The following DCLK2 variants were observed in gnomAD, a reference collection of about 807,000 sequenced individuals.
DCLK2 encodes doublecortin like kinase 2.
A neutral mutation model predicts 78.4 loss-of-function variants in DCLK2; 31 were observed. The ratio of observed to expected loss-of-function variants is 0.40; its 90% CI spans 0.30 to 0.53. DCLK2 has a LOEUF of 0.53. Ranked by LOEUF, DCLK2 falls within the 20% of genes least tolerant of loss-of-function variation. The pLI is 0.61. For missense variants in DCLK2, 872 were observed against 973.7 expected (o/e 0.90, Z 1.39); for synonymous variants, 407 against 374.9 (o/e 1.09, Z -0.99).
chr4:150,222,865 C>CAA (rs879903066), intron 7 of DCLK2, among the ~76,000 whole-genome samples: 10 of 123,220 alleles, frequency 8.1e-5, no homozygotes, highest in South Asian at 7.7e-4. Flanking sequence ...GACTGTGTCT[C>CAA]AAAAAAAAAA....
chr4:150,201,303 G>A (rs561949341), intron 4 of DCLK2, among the ~76,000 whole-genome samples: 42 of 152,218 alleles, frequency 2.8e-4, no homozygotes, highest in South Asian at 6.2e-4. Context: ...GCTGGCTGGC[G>A]GAGGCATACC....
At chr4:150,126,850 A>T (rs983357817) in intron 2 of DCLK2, among the ~76,000 whole-genome samples, 2 of 152,196 alleles carry the variant, frequency 1.3e-5, no homozygotes, top group Admixed American at 6.6e-5. Flanking sequence ...ACAGCATCCA[A>T]TCCAGGATCC....
At chr4:150,117,077 GA>G (rs1372574317) in intron 2 of DCLK2, among the ~76,000 whole-genome samples, 11 of 152,110 alleles carry the variant, frequency 7.2e-5, no homozygotes, top group Non-Finnish European at 1.6e-4. Flanking sequence ...GTGGGGGCTG[GA>G]TAAGGCAGGA....
At chr4:150,222,736 C>T (rs1023167242) in intron 7 of DCLK2, among the ~76,000 whole-genome samples, 14 of 151,746 alleles carry the variant, frequency 9.2e-5, no homozygotes, top group Non-Finnish European at 2.1e-4. Flanking sequence ...TTGGGTGGCA[C>T]ACGCCTGAAG....
intron 1 of DCLK2, among the ~76,000 whole-genome samples, chr4:150,083,527 A>G (rs776857862): frequency 6.6e-6 from 1 of 152,232 alleles, no homozygotes; most frequent in Non-Finnish European, 1.5e-5. Context: ...GAAAGTGTTA[A>G]ATAAACCAAA....
rs1234394297 is a variant in DCLK2, at chr4:150,079,127, A to G, written c.100A>G (p.Ser34Gly). 1.4e-5 allele frequency: 22 copies of G among 1,583,514 alleles called. No homozygotes were observed. The highest frequency in any genetic ancestry group is 1.9e-5 in the Non-Finnish European group (22 of 1,166,214). Residue 34 changes from serine (S) to glycine (G), a missense_variant, in exon 1 of 16, where the codon AGC becomes GGC. This residue lies in a region of DCLK2 where 567 missense variants were observed against 593.4 expected (regional missense o/e 0.96). Coordinates refer to ENST00000296550, the MANE Select transcript of DCLK2 (RefSeq NM_001040260.4). ...RRGAPSSSGGSSSSGPKGNGL... is the reference protein window; with the variant it reads ...RRGAPSSSGGGSSSGPKGNGL... The stretch of plus-strand genomic sequence containing the variant: ...AGGGGCCCCCAGCTCCTCCGGGGGC[A>G]GCAGCAGCTCGGGCCCCAAGGGGAA...
At chr4:150,176,114 C>G (rs926806525) in intron 2 of DCLK2, among the ~76,000 whole-genome samples, 1 of 152,192 alleles carries the variant, frequency 6.6e-6, no homozygotes, top group Non-Finnish European at 1.5e-5. Flanking sequence ...TGCTGTCATG[C>G]CTCCCTCTTG....
At chr4:150,129,000 T>A (rs1270538363) in intron 2 of DCLK2, among the ~76,000 whole-genome samples, 1 of 152,166 alleles carries the variant, frequency 6.6e-6, no homozygotes, top group Non-Finnish European at 1.5e-5. Flanking sequence ...GGGTAAACAC[T>A]ACCTTTTAAT....
intron 2 of DCLK2, among the ~76,000 whole-genome samples, chr4:150,119,657 T>C (rs1732372793): frequency 6.6e-6 from 1 of 152,104 alleles, no homozygotes; most frequent in Non-Finnish European, 1.5e-5. Context: ...GAAACTACTT[T>C]AATGAAAAGA....
At chr4:150,183,399 TCC>T (rs1737672046) in intron 2 of DCLK2, among the ~76,000 whole-genome samples, 1 of 152,200 alleles carries the variant, frequency 6.6e-6, no homozygotes, top group Admixed American at 6.5e-5. Context: ...TCTCAAATCA[TCC>T]TGAAATAATA....
intron 2 of DCLK2, among the ~76,000 whole-genome samples, chr4:150,121,735 G>A (rs895544068): frequency 5.3e-5 from 8 of 152,092 alleles, no homozygotes; most frequent in East Asian, 1.9e-4. Context: ...GAATCGCTAC[G>A]GCAAGTATAG....
intron 2 of DCLK2, among the ~76,000 whole-genome samples, chr4:150,123,784 G>A (rs1732735355): frequency 1.3e-5 from 2 of 152,194 alleles, no homozygotes; most frequent in African/African-American, 4.8e-5. Context: ...GCTCATGCCT[G>A]TAATCCCAGC....
intron 5 of DCLK2, among the ~76,000 whole-genome samples, chr4:150,210,023 C>T (rs1282891386): frequency 2.0e-5 from 3 of 152,024 alleles, no homozygotes; most frequent in East Asian, 3.9e-4. Context: ...TGCAATGAGC[C>T]GAGATCCTGC....
chr4:150,079,255 C>T lies in DCLK2; in HGVS notation c.228C>T (p.Phe76=). Residue 76 remains phenylalanine, a synonymous_variant, in exon 1 of 16, where the codon TTC becomes TTT. Coordinates refer to ENST00000296550, the MANE Select transcript of DCLK2 (RefSeq NM_001040260.4). ...AGAAGAAGGCCAAGAAGGCGCGCTT[C>T]TACCGGAACGGGGACCGCTACTTCA... The part of the protein sequence containing the change: ...SSEKKAKKAR[F]YRNGDRYFKG... 2 of 1,607,264 alleles carry T rather than the reference C, an allele frequency of 1.2e-6. No homozygotes were observed. The highest frequency in any genetic ancestry group is 1.3e-5 in the African/African-American group (1 of 74,816).
At chr4:150,166,541 A>G (rs918723100) in intron 2 of DCLK2, among the ~76,000 whole-genome samples, 10 of 152,106 alleles carry the variant, frequency 6.6e-5, no homozygotes, top group African/African-American at 2.2e-4. Context: ...TGTCCCCAGC[A>G]TTCTTCATTA....
Position 150,079,230 on chromosome 4 carries a change from A to G in DCLK2, c.203A>G (p.Glu68Gly). The change falls in exon 1 of 16, where the codon GAG becomes GGG. Residue 68 changes from glutamate to glycine, a missense_variant. Coordinates refer to ENST00000296550, the MANE Select transcript of DCLK2 (RefSeq NM_001040260.4). ...CGGACCCTGCAGGCCCTCAGCTCGG[A>G]GAAGAAGGCCAAGAAGGCGCGCTTC... ...RTRTLQALSS[E>G]KKAKKARFYR... The G allele has an allele frequency of 6.2e-7, 1 of 1,610,822 alleles. No homozygotes were observed. Among genetic ancestry groups the G allele is most frequent in the Non-Finnish European group, 8.5e-7 (1 of 1,178,658 alleles).
chr4:150,178,495 T>G (rs2150277008), intron 2 of DCLK2, among the ~76,000 whole-genome samples: 1 of 151,552 alleles, frequency 6.6e-6, no homozygotes, highest in East Asian at 1.9e-4. Flanking sequence ...ACCGTAGATG[T>G]GAGAACTTCA....
At chr4:150,109,979 G>A (rs528070347) in intron 2 of DCLK2, among the ~76,000 whole-genome samples, 15 of 152,184 alleles carry the variant, frequency 9.9e-5, no homozygotes, top group Non-Finnish European at 1.6e-4. Context: ...AGAAGGAAAT[G>A]TTTAGATATC....
At chr4:150,254,006 G>T (rs1744374492) in intron 15 of DCLK2, 1 of 692,372 alleles carries the variant, frequency 1.4e-6, no homozygotes. Context: ...GTTTCAGGCA[G>T]GGCTGAGGTG....
Sources: gnomAD v4.1 joint callset for allele counts (sites outside exome capture counted in the v4.1 genomes callset) on GRCh38, gnomAD v4.1.1 for gene constraint, gnomAD v4.1.1 regional missense constraint, MANE v1.5 for transcripts, NCBI Gene and HGNC (gene_info 2026-07-23, HGNC 2026-07-21) for gene names.